The following KCNQ1 variants were observed in gnomAD, a reference collection of about 807,000 sequenced individuals.
KCNQ1 encodes the protein potassium voltage-gated channel subfamily Q member 1.
In KCNQ1, 49 loss-of-function variants were observed where a neutral mutation model predicts 72.4. That is an observed-to-expected ratio of 0.68 (90% CI 0.54 to 0.86). The LOEUF is 0.86. KCNQ1 is among the 40% of genes least tolerant of loss of function. KCNQ1 has a pLI of 0.00. For missense variants in KCNQ1, 790 were observed against 945.1 expected, an observed-to-expected ratio of 0.84 and a Z score of 2.15; for synonymous variants, 450 against 412.6, an observed-to-expected ratio of 1.09 and a Z score of -1.10.
At position 2,712,487 on chromosome 11, in the gene KCNQ1, G is replaced by T. The variant is rs1470239843; in HGVS notation, c.1514+50406G>T. On this transcript the variant is annotated intron_variant, in intron 11 of 15. Coordinates refer to ENST00000155840, the MANE Select transcript of KCNQ1 (RefSeq NM_000218.3). The surrounding 1 kb of genome is among the most constrained non-coding windows in gnomAD (Gnocchi z 6.4). ...CCAGTAATCATAGTGAGGTATTTAG[G>T]GATAGAGTGGAGATCTCGCCCACAT... Among the ~76,000 whole-genome samples the T allele has an allele frequency of 1.3e-5, 2 of 152,160 alleles. No homozygotes were observed. The highest frequency in any genetic ancestry group is 4.8e-5 in the African/African-American group (2 of 41,438).
rs1847682241 is a variant in KCNQ1, at chr11:2,533,833, G to A, written c.477+5815G>A. 4.6e-5 allele frequency among the ~76,000 whole-genome samples: 7 copies of A among 152,328 alleles called. No individual in the cohort carries two copies. In the South Asian group the frequency reaches 1.4e-3, roughly 32 times the overall value. Reference sequence around the variant, plus strand: ...CAGCTTTTGTCAAACTCCACACAAAGAGAGAGGCACTCAAAAGCACAACAC... The same window carrying A: ...CAGCTTTTGTCAAACTCCACACAAAAAGAGAGGCACTCAAAAGCACAACAC... On this transcript the variant is annotated intron_variant, in intron 2 of 15. Coordinates refer to ENST00000155840, the MANE Select transcript of KCNQ1 (RefSeq NM_000218.3).
At position 2,847,934 on chromosome 11, in the gene KCNQ1, GC is replaced by G; in HGVS notation, c.1965del (p.Ser656AlafsTer10). 1.3e-6 allele frequency: 2 copies of G among 1,574,896 alleles called. No individual in the cohort carries two copies. Among genetic ancestry groups the G allele is most frequent in the Non-Finnish European group, 1.7e-6 (2 of 1,159,818 alleles). Reference sequence around the variant, plus strand: ...GCTCCGTCGACCCTGAGCTCTTCCTGCCCAGCAACACCCTGCCCACCTACGA... The same window carrying G: ...GCTCCGTCGACCCTGAGCTCTTCCTGCCAGCAACACCCTGCCCACCTACGA... ...GGSVDPELFL[P>X]SNTLPTYEQL... On this transcript the variant is annotated frameshift_variant, in exon 16 of 16. Transcript: ENST00000155840. LOFTEE classifies it high-confidence loss of function.
chr11:2,545,975 A>G (rs920978554), intron 2 of KCNQ1, among the ~76,000 whole-genome samples: 2 of 151,618 alleles, frequency 1.3e-5, no homozygotes, highest in African/African-American at 4.8e-5. Flanking sequence ...TTTTGGTTTC[A>G]TTATTTTTTT....
chr11:2,664,594 C>T lies in KCNQ1; in HGVS notation c.1514+2513C>T. 2.5e-6 allele frequency: 1 copy of T among 398,658 alleles called. No homozygotes were observed. Among genetic ancestry groups the T allele is most frequent in the East Asian group, 3.6e-5 (1 of 28,054 alleles). The allele number at this position is 398,658 out of a possible 1,614,324, so 24.7% of individuals were successfully genotyped here. A position where few individuals can be genotyped will look rare whatever the true frequency, so the allele number is the denominator to read the frequency against. On this transcript the variant is annotated intron_variant, in intron 11 of 15. Transcript: ENST00000155840. This position sits in a 1 kb window ranked among gnomAD's most constrained non-coding sequence, Gnocchi z 5.1. The stretch of plus-strand genomic sequence containing the variant: ...TGCCCGCATTGGGGCTGCATTCCTC[C>T]ACCTCCTGCACAGCCCGCCCAGTGA...
In KCNQ1 at chr11:2,671,168, G is replaced by A; in HGVS notation, c.1514+9087G>A. The A allele has an allele frequency of 2.5e-6, 1 of 398,592 alleles. No individual in the cohort carries two copies. The highest frequency in any genetic ancestry group is 4.4e-6 in the Non-Finnish European group (1 of 226,074). 24.7% of individuals were successfully genotyped at this position (398,592 alleles called of 1,614,324 possible). A position where few individuals can be genotyped will look rare whatever the true frequency, so the allele number is the denominator to read the frequency against. ...GCCTGAGGTGCCATCTTAGAAATAG[G>A]GCCTTGTTAGGAGAAAAGGAAAGAA... On this transcript the variant is annotated intron_variant, in intron 11 of 15. Coordinates refer to ENST00000155840, the MANE Select transcript of KCNQ1 (RefSeq NM_000218.3). The surrounding 1 kb of genome is among the most constrained non-coding windows in gnomAD (Gnocchi z 4.7).
Position 2,673,382 on chromosome 11 carries a change from T to C in KCNQ1, c.1514+11301T>C, listed in dbSNP as rs560803659. 128 of 398,680 alleles carry C rather than the reference T, an allele frequency of 3.2e-4. No homozygotes were observed. Among genetic ancestry groups the C allele is most frequent in the Non-Finnish European group, 2.1e-4 (48 of 226,074 alleles). 24.7% of individuals were successfully genotyped at this position (398,680 alleles called of 1,614,324 possible). A position where few individuals can be genotyped will look rare whatever the true frequency, so the allele number is the denominator to read the frequency against. ...GGGAAGTGACAGAGCAGAGCTCCCCTTGGCCTTTGTTTAGCCCACCTTCTG... is the reference window on the plus strand; with the variant it reads ...GGGAAGTGACAGAGCAGAGCTCCCCCTGGCCTTTGTTTAGCCCACCTTCTG... On this transcript the variant is annotated intron_variant, in intron 11 of 15. Transcript: ENST00000155840. The surrounding 1 kb of genome is among the most constrained non-coding windows in gnomAD (Gnocchi z 4.5).
In KCNQ1 at chr11:2,592,768, A is replaced by T. The variant is rs1197826811; in HGVS notation, c.1393+3914A>T. Among the ~76,000 whole-genome samples the T allele has an allele frequency of 6.6e-6, 1 of 152,134 alleles. No homozygotes were observed. Among genetic ancestry groups the T allele is most frequent in the African/African-American group, 2.4e-5 (1 of 41,432 alleles). On this transcript the variant is annotated intron_variant, in intron 10 of 15. Coordinates refer to ENST00000155840, the MANE Select transcript of KCNQ1 (RefSeq NM_000218.3). The surrounding 1 kb of genome is among the most constrained non-coding windows in gnomAD (Gnocchi z 5.2). ...TGCTGCTGCCTTGGGCGTCCTGAAG[A>T]TCCTCTGTATGCTTGTGGGGTGGGG...
At chr11:2,577,548 G>A (rs183721370) in intron 6 of KCNQ1, among the ~76,000 whole-genome samples, 55 of 152,338 alleles carry the variant, frequency 3.6e-4, no homozygotes, top group Middle Eastern at 6.8e-3. Flanking sequence ...GTGAGGAGAG[G>A]ACTCCATGTG....
intron 1 of KCNQ1, among the ~76,000 whole-genome samples, chr11:2,499,714 G>T (rs1388114530): frequency 6.6e-6 from 1 of 152,034 alleles, no homozygotes; most frequent in Non-Finnish European, 1.5e-5. Context: ...TATAAGAAGA[G>T]ACAAAGAAGG....
chr11:2,662,080 C>T lies in KCNQ1; in HGVS notation c.1513C>T (p.Gln505Ter), dbSNP rs397508091. ...TLLTPITHIS[Q>*]LREHHRATIK... Reference sequence around the variant, plus strand: ...GCTGACACCCATCACCCACATCTCACAGTGAGTGCCTACATGTGCGTGAAG... The same window carrying T: ...GCTGACACCCATCACCCACATCTCATAGTGAGTGCCTACATGTGCGTGAAG... Residue 505 changes from glutamine (Q) to a stop codon, truncating the protein, a stop_gained and splice_region_variant, in exon 11 of 16, where the codon CAG becomes TAG. Transcript: ENST00000155840. LOFTEE classifies it high-confidence loss of function. 1 of 1,614,234 alleles carries T rather than the reference C, an allele frequency of 6.2e-7. No homozygotes were observed. Among genetic ancestry groups the T allele is most frequent in the Non-Finnish European group, 8.5e-7 (1 of 1,180,050 alleles).
At chr11:2,632,791 T>C in intron 10 of KCNQ1, 2 of 398,462 alleles carry the variant, frequency 5.0e-6, no homozygotes, top group South Asian at 1.3e-4. Context: ...CCATTGTGTA[T>C]ACATACCACA....
At position 2,579,406 on chromosome 11, in the gene KCNQ1, G is replaced by A. The variant is rs1400386537; in HGVS notation, c.922-4029G>A. Among the ~76,000 whole-genome samples the A allele has an allele frequency of 1.3e-5, 2 of 152,210 alleles. No individual in the cohort carries two copies. Among genetic ancestry groups the A allele is most frequent in the African/African-American group, 4.8e-5 (2 of 41,456 alleles). On this transcript the variant is annotated intron_variant, in intron 6 of 15. Transcript: ENST00000155840. The surrounding 1 kb of genome is among the most constrained non-coding windows in gnomAD (Gnocchi z 6.0). ...TCCTGCCATGGGCGTGACTTTGTGT[G>A]CCTCATATGGCTGGTGCCCTGGCAA... is the stretch of plus-strand genomic sequence containing the variant.
intron 1 of KCNQ1, among the ~76,000 whole-genome samples, chr11:2,466,528 G>A (rs1009851618): frequency 2.3e-4 from 35 of 152,086 alleles, no homozygotes; most frequent in Admixed American, 9.8e-4. Context: ...CTGGCCTGTC[G>A]TGGAGTGGGG....
chr11:2,653,478 C>G lies in KCNQ1; in HGVS notation c.1394-8483C>G, dbSNP rs1264449029. ...CTCACACAGCTGGACCCAGCTGTTT[C>G]AGACACAGCTGGACCCCAGAGCTGA... is the stretch of plus-strand genomic sequence containing the variant. On this transcript the variant is annotated intron_variant, in intron 10 of 15. Coordinates refer to ENST00000155840, the MANE Select transcript of KCNQ1 (RefSeq NM_000218.3). The surrounding 1 kb of genome is among the most constrained non-coding windows in gnomAD (Gnocchi z 5.3). 2.5e-6 allele frequency: 1 copy of G among 397,566 alleles called. No individual in the cohort carries two copies. Among genetic ancestry groups the G allele is most frequent in the Non-Finnish European group, 4.4e-6 (1 of 225,958 alleles). 24.6% of individuals were successfully genotyped at this position (397,566 alleles called of 1,614,324 possible). A position where few individuals can be genotyped will look rare whatever the true frequency, so the allele number is the denominator to read the frequency against.
At chr11:2,777,187 C>A (rs562351607) in intron 14 of KCNQ1, among the ~76,000 whole-genome samples, 155 bp downstream of exon 14, 1 of 152,292 alleles carries the variant, frequency 6.6e-6, no homozygotes, top group East Asian at 1.9e-4. Flanking sequence ...GGGAGGTAGA[C>A]CCCACCCTTA....
Position 2,478,259 on chromosome 11 carries a change from C to T in KCNQ1, c.386+32775C>T, listed in dbSNP as rs1269764726. Among the ~76,000 whole-genome samples the T allele has an allele frequency of 6.6e-6, 1 of 152,172 alleles. No individual in the cohort carries two copies. The highest frequency in any genetic ancestry group is 1.5e-5 in the Non-Finnish European group (1 of 68,042). On this transcript the variant is annotated intron_variant, in intron 1 of 15. Coordinates refer to ENST00000155840, the MANE Select transcript of KCNQ1 (RefSeq NM_000218.3). The surrounding 1 kb of genome is among the most constrained non-coding windows in gnomAD (Gnocchi z 4.0). ...AAAACGTAGAAGGCTAAATAAAGTA[C>T]CGTTCAGGGTGAAGGGGAAGGAAGA...
At position 2,544,286 on chromosome 11, in the gene KCNQ1, A is replaced by G. The variant is rs1847870072; in HGVS notation, c.477+16268A>G. On this transcript the variant is annotated intron_variant, in intron 2 of 15. Transcript: ENST00000155840. The surrounding 1 kb of genome is among the most constrained non-coding windows in gnomAD (Gnocchi z 4.4). ...TGTGTGTGTGTATATATATGTGTAT[A>G]TATATATGTATATATGTGTATATAT... 1.1e-4 allele frequency among the ~76,000 whole-genome samples: 15 copies of G among 139,176 alleles called. No individual in the cohort carries two copies. Among genetic ancestry groups the G allele is most frequent in the Non-Finnish European group, 1.5e-5 (1 of 66,020 alleles). The allele number at this position is 139,176 out of a possible 152,430, so 91.3% of individuals were successfully genotyped here.
Position 2,536,208 on chromosome 11 carries a change from C to T in KCNQ1, c.477+8190C>T, listed in dbSNP as rs2133667527. The stretch of plus-strand genomic sequence containing the variant: ...AGGGGCGCTCAGCTGGGCCGCGGCT[C>T]CACGGTGTTAAGGGATTCTAGAAAT... On this transcript the variant is annotated intron_variant, in intron 2 of 15. Transcript: ENST00000155840. This position sits in a 1 kb window ranked among gnomAD's most constrained non-coding sequence, Gnocchi z 7.4. Among the ~76,000 whole-genome samples, 1 of 152,340 alleles carries T rather than the reference C, an allele frequency of 6.6e-6. No homozygotes were observed. The highest frequency in any genetic ancestry group is 1.5e-5 in the Non-Finnish European group (1 of 68,028).
At position 2,473,599 on chromosome 11, in the gene KCNQ1, C is replaced by T. The variant is rs948950525; in HGVS notation, c.386+28115C>T. On this transcript the variant is annotated intron_variant, in intron 1 of 15. Coordinates refer to ENST00000155840, the MANE Select transcript of KCNQ1 (RefSeq NM_000218.3). The surrounding 1 kb of genome is among the most constrained non-coding windows in gnomAD (Gnocchi z 6.0). Reference sequence around the variant, plus strand: ...CAGCCGTGTCATGTGGCTTGTAGAGCGAGGGTGTGCGGCCGGCATCATCCT... The same window carrying T: ...CAGCCGTGTCATGTGGCTTGTAGAGTGAGGGTGTGCGGCCGGCATCATCCT... Among the ~76,000 whole-genome samples, 1 of 152,046 alleles carries T rather than the reference C, an allele frequency of 6.6e-6. No individual in the cohort carries two copies. Among genetic ancestry groups the T allele is most frequent in the South Asian group, 2.1e-4 (1 of 4,696 alleles).
Sources: gnomAD v4.1 joint callset for allele counts (sites outside exome capture counted in the v4.1 genomes callset) on GRCh38, gnomAD v4.1.1 for gene constraint, Gnocchi (gnomAD v3.1) non-coding constraint, MANE v1.5 for transcripts, NCBI Gene and HGNC (gene_info 2026-07-23, HGNC 2026-07-21) for gene names.